Variants in ZNF723 observed in about 807,000 individuals in gnomAD.
The protein encoded by ZNF723 is zinc finger protein 723, pseudogene.
Under a neutral mutation model 9.4 loss-of-function variants are expected in ZNF723, and 5 were observed. The ratio of observed to expected loss-of-function variants is 0.53; its 90% CI spans 0.28 to 1.12. ZNF723 has a LOEUF of 1.12. ZNF723 is among the 50% of genes most tolerant of loss of function. The pLI is 0.10. For missense variants in ZNF723, 450 were observed against 501.5 expected (o/e 0.90, Z 0.98); for synonymous variants, 158 against 168.8 (o/e 0.94, Z 0.49).
At chr19:22,812,828 C>T in the ZNF723 span, among the ~76,000 whole-genome samples, 1 of 152,274 alleles carries the variant, frequency 6.6e-6, no homozygotes, top group Middle Eastern at 3.4e-3. Flanking sequence ...TTCAGCACAC[C>T]TGTGAGTCTG....
In ZNF723 at chr19:22,858,426, A is replaced by C. The variant is rs564510047; in HGVS notation, c.1535A>C (p.Lys512Thr). 7 of 694,978 alleles carry C rather than the reference A, an allele frequency of 1.0e-5. No homozygotes were observed. The highest frequency in any genetic ancestry group is 8.6e-5 in the Admixed American group (3 of 34,778). The allele number at this position is 694,978 out of a possible 1,614,324, so 43.1% of individuals were successfully genotyped here. ...IHTKEKSQTL[K>T]M ...ACTAAAGAGAAATCACAAACCTTAA[A>C]GATGTGACAATGCTTTTTATGAAAT... The change falls in exon 4 of 4, where the codon AAG becomes ACG. Residue 512 changes from lysine to threonine, a missense_variant. By Grantham distance (78) the Lys-to-Thr change is moderately conservative (BLOSUM62 -1). Transcript: ENST00000600766.
At chr19:22,840,383 C>T (rs1478925389) in intron 1 of ZNF723, 1 of 151,136 alleles carries the variant, frequency 6.6e-6, no homozygotes, top group Non-Finnish European at 1.5e-5. Context: ...GTTGGTCAGA[C>T]TGGTCTCGAA....
At chr19:22,848,154 A>G in intron 1 of ZNF723, 107 bp from the exon 2 acceptor site, 1 of 490,282 alleles carries the variant, frequency 2.0e-6, no homozygotes, top group Non-Finnish European at 3.6e-6. Context: ...CCTATAAGTC[A>G]GAACCTGTTC....
At chr19:22,849,145 CATT>C (rs1308282600) in intron 2 of ZNF723, 50 bp from the exon 3 acceptor site, 2 of 506,612 alleles carry the variant, frequency 3.9e-6, no homozygotes, top group East Asian at 6.1e-5. Context: ...TTACTGAGCA[CATT>C]ATTTGAAGAA....
chr19:22,832,249 G>T (rs1967106622), upstream of ZNF723: 2 of 1,008,626 alleles, frequency 2.0e-6, no homozygotes, highest in African/African-American at 3.3e-5. Context: ...AATCAGACCC[G>T]CAGCTAGAGC....
chr19:22,842,348 G>C (rs34066773), intron 1 of ZNF723, among the ~76,000 whole-genome samples: 4,948 of 152,150 alleles, frequency 0.033, 91 homozygotes, highest in East Asian at 0.075. Context: ...ACTGTTAACT[G>C]TTGCCACTAG....
chr19:22,832,627 T>A (rs1173581287), intron 1 of ZNF723, among the ~76,000 whole-genome samples: 1 of 152,144 alleles, frequency 6.6e-6, no homozygotes, highest in African/African-American at 2.4e-5. Context: ...TCTGGGCAGC[T>A]CTGCACCCGC....
chr19:22,831,908 C>CAAA (rs34288194), upstream of ZNF723, among the ~76,000 whole-genome samples: 27 of 143,240 alleles, frequency 1.9e-4, no homozygotes, highest in East Asian at 4.1e-4. Flanking sequence ...GACTCTGTCT[C>CAAA]AAAAAAAAAA....
intron 3 of ZNF723, 45 bp from the exon 4 acceptor site, chr19:22,857,069 CATCT>C (rs1967489096): frequency 6.0e-6 from 4 of 672,114 alleles, no homozygotes; most frequent in Non-Finnish European, 1.0e-5. Flanking sequence ...AAAGTATATC[CATCT>C]GAGTCTAGTA....
rs918944313 is a variant in ZNF723 at position 22,833,299 on chromosome 19, C to T, written c.3+917C>T. Among the ~76,000 whole-genome samples, 6 of 152,074 alleles carry T rather than the reference C, an allele frequency of 3.9e-5. No homozygotes were observed. In the South Asian group the frequency reaches 6.2e-4, roughly 16 times the overall value. On this transcript the variant is annotated intron_variant, in intron 1 of 3. Coordinates refer to ENST00000600766, the MANE Select transcript of ZNF723 (RefSeq NM_001349726.2). ...TCTTGAGTAGCTGGGATTACAGGCGCCTGCCACCACGGCCGGCTAATTTTT... is the reference window on the plus strand; with the variant it reads ...TCTTGAGTAGCTGGGATTACAGGCGTCTGCCACCACGGCCGGCTAATTTTT...
intron 1 of ZNF723, among the ~76,000 whole-genome samples, chr19:22,842,693 C>G (rs888049383): frequency 1.4e-5 from 2 of 142,782 alleles, no homozygotes; most frequent in African/African-American, 5.6e-5. Flanking sequence ...GCTAAAGCAG[C>G]CTCTATAAGG....
chr19:22,823,101 T>C, the ZNF723 span, among the ~76,000 whole-genome samples: 3 of 152,136 alleles, frequency 2.0e-5, no homozygotes, highest in Non-Finnish European at 4.4e-5. Flanking sequence ...ATAAGAGAGA[T>C]GTTAGCTCTC....
the ZNF723 span, among the ~76,000 whole-genome samples, chr19:22,817,935 G>A: frequency 6.6e-6 from 1 of 152,100 alleles, no homozygotes; most frequent in African/African-American, 2.4e-5. Flanking sequence ...CATTAGGATT[G>A]ATACTCTCAT....
Position 22,832,343 on chromosome 19 carries a change from C to G in ZNF723, c.-37C>G. 1.4e-6 allele frequency: 2 copies of G among 1,383,016 alleles called. No homozygotes were observed. Among genetic ancestry groups the G allele is most frequent in the Non-Finnish European group, 2.0e-6 (2 of 988,834 alleles). The allele number at this position is 1,383,016 out of a possible 1,614,324, so 85.7% of individuals were successfully genotyped here. A position where few individuals can be genotyped will look rare whatever the true frequency, so the allele number is the denominator to read the frequency against. On this transcript the variant is annotated 5_prime_UTR_variant, in exon 1 of 4. Coordinates refer to ENST00000600766, the MANE Select transcript of ZNF723 (RefSeq NM_001349726.2). Reference sequence around the variant, plus strand: ...CCTGACCTACATGCATTGGGAGATCCACAGCTAAGACGCCAGGACTCCCTG... The same window carrying G: ...CCTGACCTACATGCATTGGGAGATCGACAGCTAAGACGCCAGGACTCCCTG...
chr19:22,820,152 C>G, the ZNF723 span, among the ~76,000 whole-genome samples: 1 of 152,074 alleles, frequency 6.6e-6, no homozygotes, highest in African/African-American at 2.4e-5. Context: ...TTGGAAATCT[C>G]CTTTCTCTGC....
At chr19:22,829,076 G>T (rs1223397087), upstream of ZNF723, among the ~76,000 whole-genome samples, 1 of 151,982 alleles carries the variant, frequency 6.6e-6, no homozygotes, top group Non-Finnish European at 1.5e-5. Context: ...GGGAGGCTAA[G>T]GCAGGAGAAT....
chr19:22,853,286 T>A (rs1967423535), intron 3 of ZNF723, among the ~76,000 whole-genome samples: 1 of 152,120 alleles, frequency 6.6e-6, no homozygotes, highest in South Asian at 2.1e-4. Context: ...TGAAGATTGT[T>A]GAGTATTTTA....
rs1247625012 is a variant in ZNF723, at chr19:22,857,906, A to C, written c.1015A>C (p.Lys339Gln). The C allele has an allele frequency of 6.9e-7, 1 of 1,443,164 alleles. No individual in the cohort carries two copies. The highest frequency in any genetic ancestry group is 9.8e-7 in the Non-Finnish European group (1 of 1,025,126). The allele number at this position is 1,443,164 out of a possible 1,614,324, so 89.4% of individuals were successfully genotyped here. A position where few individuals can be genotyped will look rare whatever the true frequency, so the allele number is the denominator to read the frequency against. Residue 339 changes from lysine to glutamine, a missense_variant, in exon 4 of 4, where the codon AAA becomes CAA. Coordinates refer to ENST00000600766, the MANE Select transcript of ZNF723 (RefSeq NM_001349726.2). ...ACATAAGAGAATTCATACTGGAGAGAAACTCTACAAATGTGAAGAATGTGG... is the reference window on the plus strand; with the variant it reads ...ACATAAGAGAATTCATACTGGAGAGCAACTCTACAAATGTGAAGAATGTGG... ...ATHKRIHTGE[K>Q]LYKCEECGKA... is the part of the protein sequence containing the mutation.
chr19:22,844,534 A>G (rs534077499), intron 1 of ZNF723, among the ~76,000 whole-genome samples: 1 of 152,234 alleles, frequency 6.6e-6, no homozygotes, highest in African/African-American at 2.4e-5. Flanking sequence ...TCTGCAACAT[A>G]CTCTTGAGCA....
Sources: gnomAD v4.1 joint callset for allele counts (sites outside exome capture counted in the v4.1 genomes callset) on GRCh38, gnomAD v4.1.1 for gene constraint, MANE v1.5 for transcripts, NCBI Gene and HGNC (gene_info 2026-07-23, HGNC 2026-07-21) for gene names.